Variants in NLGN1 observed in about 807,000 individuals in gnomAD.
The protein encoded by NLGN1 is neuroligin 1, also known as neuroligin-1.
Under a neutral mutation model 65.5 loss-of-function variants are expected in NLGN1, and 12 were observed. The observed-to-expected ratio is 0.18, with a 90% CI of 0.12 to 0.30. The LOEUF (loss-of-function observed/expected upper bound fraction) is 0.30. Ranked by LOEUF, NLGN1 falls within the 10% of genes least tolerant of loss-of-function variation. The pLI is 1.00. For missense variants in NLGN1, 750 were observed against 1,007.1 expected (o/e 0.74, Z 3.46); for synonymous variants, 350 against 359.5 (o/e 0.97, Z 0.30).
intron 4 of NLGN1, among the ~76,000 whole-genome samples, chr3:173,960,583 G>A (rs2152346386): frequency 6.6e-6 from 1 of 151,710 alleles, no homozygotes; most frequent in Admixed American, 6.6e-5. Flanking sequence ...CGGGTTATTT[G>A]GTGCCTAACA....
chr3:174,206,009 T>A (rs1245645416), intron 4 of NLGN1, among the ~76,000 whole-genome samples: 1 of 152,210 alleles, frequency 6.6e-6, no homozygotes, highest in Non-Finnish European at 1.5e-5. Flanking sequence ...GACATGAAAA[T>A]TATGTGATTA....
At chr3:173,610,690 A>G (rs1354518517) in intron 3 of NLGN1, among the ~76,000 whole-genome samples, 2 of 151,950 alleles carry the variant, frequency 1.3e-5, no homozygotes, top group African/African-American at 4.8e-5. Context: ...GAAGTTAAGT[A>G]AGGAAAATGT....
intron 1 of NLGN1, among the ~76,000 whole-genome samples, chr3:173,411,388 G>T (rs1027021406): frequency 6.6e-6 from 1 of 152,176 alleles, no homozygotes; most frequent in Admixed American, 6.5e-5. Context: ...GCCATTCAGA[G>T]GTGCTGTTCT....
intron 4 of NLGN1, among the ~76,000 whole-genome samples, chr3:173,832,501 G>A (rs960990200): frequency 1.3e-5 from 2 of 152,128 alleles, no homozygotes; most frequent in South Asian, 4.1e-4. Context: ...TTTAATTGGG[G>A]GAGGATGTTT....
chr3:173,629,770 A>G (rs1181922008), intron 3 of NLGN1, among the ~76,000 whole-genome samples: 1 of 152,096 alleles, frequency 6.6e-6, no homozygotes, highest in Non-Finnish European at 1.5e-5. Context: ...TTATAAATGT[A>G]TATCTCTCCA....
chr3:173,802,948 T>G (rs1371210074), intron 3 of NLGN1, among the ~76,000 whole-genome samples: 2 of 151,942 alleles, frequency 1.3e-5, no homozygotes, highest in African/African-American at 4.8e-5. Context: ...AAGCAAGCAA[T>G]TCTCCTGCCA....
At chr3:174,268,891 CA>C (rs1026412656) in intron 4 of NLGN1, among the ~76,000 whole-genome samples, 2 of 151,034 alleles carry the variant, frequency 1.3e-5, no homozygotes, top group African/African-American at 4.9e-5. Flanking sequence ...ATAGATTCAC[CA>C]AAACATAAAA....
chr3:174,032,486 A>G (rs370199369), intron 4 of NLGN1, among the ~76,000 whole-genome samples: 85 of 152,310 alleles, frequency 5.6e-4, no homozygotes, highest in African/African-American at 2.0e-3. Context: ...AGGCAGTAGC[A>G]TTGGCATCAC....
At chr3:173,872,825 G>A (rs1158969313) in intron 4 of NLGN1, among the ~76,000 whole-genome samples, 1 of 152,008 alleles carries the variant, frequency 6.6e-6, no homozygotes, top group East Asian at 1.9e-4. Context: ...TCAACACAAA[G>A]GGCTTTCATT....
intron 4 of NLGN1, among the ~76,000 whole-genome samples, chr3:173,853,911 T>G (rs183980296): frequency 6.6e-6 from 1 of 152,044 alleles, no homozygotes; most frequent in African/African-American, 2.4e-5. Context: ...TTTATTAAAT[T>G]TATATACATT....
chr3:173,838,858 A>G (rs1724193121), intron 4 of NLGN1, among the ~76,000 whole-genome samples: 1 of 152,224 alleles, frequency 6.6e-6, no homozygotes, highest in Non-Finnish European at 1.5e-5. Context: ...GAATAAAAAT[A>G]TGATGAGCAA....
Position 173,599,470 on chromosome 3 carries a change from T to G in NLGN1, c.-320-4809T>G, listed in dbSNP as rs564829476. Among the ~76,000 whole-genome samples the G allele has an allele frequency of 2.6e-5, 4 of 152,276 alleles. No homozygotes were observed. In the East Asian group the frequency reaches 7.7e-4, roughly 29 times the overall value. ...ACATTTTGCTACAGGGAACTCAGTA[T>G]CTGTCAGTAATCAGGTTCTCTTACA... On this transcript the variant is annotated intron_variant, in intron 2 of 6. Transcript: ENST00000457714.
intron 2 of NLGN1, among the ~76,000 whole-genome samples, chr3:173,601,294 T>C (rs755559489): frequency 8.6e-5 from 13 of 152,040 alleles, no homozygotes; most frequent in Non-Finnish European, 1.8e-4. Context: ...AAACTTGCTG[T>C]AGTTTGCTGC....
At chr3:174,083,635 T>C (rs1742682707) in intron 4 of NLGN1, among the ~76,000 whole-genome samples, 1 of 152,172 alleles carries the variant, frequency 6.6e-6, no homozygotes, top group South Asian at 2.1e-4. Context: ...GGAATACTTT[T>C]AAAAAAGAAA....
chr3:174,156,008 T>G (rs2152711689), intron 4 of NLGN1, among the ~76,000 whole-genome samples: 1 of 152,044 alleles, frequency 6.6e-6, no homozygotes, highest in South Asian at 2.1e-4. Flanking sequence ...GAGGCTAAAT[T>G]TAAGGCACAT....
In NLGN1 at chr3:173,709,803, C is replaced by CAAAAAA. The variant is rs59998502; in HGVS notation, c.494-97858_494-97853dup. Among the ~76,000 whole-genome samples, 20 of 69,236 alleles carry CAAAAAA rather than the reference C, an allele frequency of 2.9e-4. 1 individual carries two copies. The highest frequency in any genetic ancestry group is 6.1e-4 in the African/African-American group (11 of 17,926). 45.4% of individuals were successfully genotyped at this position (69,236 alleles called of 152,430 possible). ...GGGCAACGAGAGCGAAACTCTATCT[C>CAAAAAA]AAAAAAAAAAAAAAAAAAAAAAAAT... is the stretch of plus-strand genomic sequence containing the variant. On this transcript the variant is annotated intron_variant, in intron 3 of 6. Coordinates refer to ENST00000457714, the Ensembl canonical transcript of NLGN1.
At chr3:174,052,957 A>G (rs1467590839) in intron 4 of NLGN1, among the ~76,000 whole-genome samples, 1 of 152,072 alleles carries the variant, frequency 6.6e-6, no homozygotes, top group African/African-American at 2.4e-5. Context: ...TAAATGTTTT[A>G]CAACTAGCTA....
intron 3 of NLGN1, among the ~76,000 whole-genome samples, chr3:173,677,642 A>C (rs1172202491): frequency 6.6e-6 from 1 of 152,080 alleles, no homozygotes; most frequent in African/African-American, 2.4e-5. Flanking sequence ...TGCATTCTAA[A>C]CATACATTTA....
chr3:173,582,227 A>G (rs1419141669), intron 2 of NLGN1, among the ~76,000 whole-genome samples: 2 of 152,016 alleles, frequency 1.3e-5, no homozygotes, highest in African/African-American at 4.8e-5. Context: ...CGTTTCTACT[A>G]TTGCAGTATA....
Sources: allele counts gnomAD v4.1 joint callset (sites outside exome capture counted in the v4.1 genomes callset), GRCh38; gene constraint gnomAD v4.1.1; transcripts MANE v1.5; gene names NCBI Gene and HGNC (gene_info 2026-07-23, HGNC 2026-07-21).